NDRG1: variants seen among roughly 807,000 people sequenced by gnomAD.
NDRG1 encodes N-myc downstream regulated 1, also known as protein NDRG1.
NDRG1 carries 32 observed loss-of-function variants against 56.9 expected under a neutral mutation model. The ratio of observed to expected loss-of-function variants is 0.56; its 90% confidence interval spans 0.42 to 0.76. The LOEUF is 0.76. NDRG1 is among the 30% of genes least tolerant of loss of function. The probability of loss-of-function intolerance (pLI) is 0.00; values close to 1 mark genes in which losing one functional copy is unlikely to be tolerated. For synonymous variants in NDRG1, 211 were observed against 204.1 expected, an observed-to-expected ratio of 1.03 and a Z score of -0.29; for missense variants, 507 against 545.7, an observed-to-expected ratio of 0.93 and a Z score of 0.71.
chr8:133,251,402 A>G (rs987561576), intron 9 of NDRG1, among the ~76,000 whole-genome samples: 36 of 152,226 alleles, frequency 2.4e-4, no homozygotes, highest in Non-Finnish European at 4.4e-4. Context: ...ACTGGCTACT[A>G]AGAGCAAACT....
At chr8:133,257,102 C>T (rs758250901) in intron 7 of NDRG1, among the ~76,000 whole-genome samples, 3 of 152,268 alleles carry the variant, frequency 2.0e-5, no homozygotes, top group Middle Eastern at 3.4e-3. Context: ...GTAGGAAGCC[C>T]GCTGCTTTGC....
chr8:133,246,798 T>C (rs990176123), intron 12 of NDRG1, 135 bp from the exon 13 acceptor site: 1 of 848,986 alleles, frequency 1.2e-6, no homozygotes, highest in Non-Finnish European at 2.0e-6. Flanking sequence ...TATGTGGAGT[T>C]ATTGGGATTC....
At chr8:133,296,369 C>A in intron 1 of NDRG1, 1 of 420,974 alleles carries the variant, frequency 2.4e-6, no homozygotes, top group Non-Finnish European at 4.9e-6. Flanking sequence ...ACTTCTCCCA[C>A]GCCGCCGATG....
chr8:133,245,381 T>C (rs942006409), intron 13 of NDRG1, among the ~76,000 whole-genome samples: 18 of 152,196 alleles, frequency 1.2e-4, no homozygotes, highest in African/African-American at 4.3e-4. Context: ...ACTGTGGCTA[T>C]ACTTGGAAAT....
At chr8:133,259,076 A>T (rs755707697) in intron 6 of NDRG1, 92 bp downstream of exon 6, 1 of 1,335,540 alleles carries the variant, frequency 7.5e-7, no homozygotes, top group Non-Finnish European at 1.1e-6. Flanking sequence ...CCTTAATTTT[A>T]GTGGTCAGTC....
chr8:133,245,307 G>A (rs1197494882), intron 13 of NDRG1, among the ~76,000 whole-genome samples: 1 of 152,150 alleles, frequency 6.6e-6, no homozygotes, highest in Non-Finnish European at 1.5e-5. Context: ...ACCCTTTGCT[G>A]TAGGTTGTGG....
Position 133,280,258 on chromosome 8 carries a change from C to A in NDRG1, c.73G>T (p.Gly25Cys), listed in dbSNP as rs377527660. ...PLVEKGETIT[G>C]LLQEFDVQEQ... is the part of the protein sequence containing the mutation. The stretch of plus-strand genomic sequence containing the variant: ...TGGACATCAAACTCTTGCAGGAGGC[C>A]GGTGATGGTCTGTGAAAAGACAAAA... The change falls in exon 3 of 16, where the codon GGC (glycine) becomes TGC (cysteine). Residue 25 changes from glycine to cysteine, a missense_variant. Gly to Cys is a radical substitution (Grantham distance 159). Transcript: ENST00000323851. 1 of 1,614,012 alleles carries A rather than the reference C, an allele frequency of 6.2e-7. No homozygotes were observed. The highest frequency in any genetic ancestry group is 8.5e-7 in the Non-Finnish European group (1 of 1,179,976).
At chr8:133,281,612 C>T (rs1050461751) in intron 2 of NDRG1, among the ~76,000 whole-genome samples, 1 of 152,102 alleles carries the variant, frequency 6.6e-6, no homozygotes, top group African/African-American at 2.4e-5. Context: ...CCACCACAAA[C>T]CCCCAGAAAA....
At chr8:133,276,223 G>A (rs1012398906) in intron 3 of NDRG1, among the ~76,000 whole-genome samples, 10 of 152,146 alleles carry the variant, frequency 6.6e-5, no homozygotes, top group Admixed American at 6.5e-4. Flanking sequence ...ACCCCAGCCT[G>A]AGCCACATAG....
intron 3 of NDRG1, among the ~76,000 whole-genome samples, chr8:133,273,161 G>T (rs1440518735): frequency 1.2e-5 from 1 of 82,116 alleles, no homozygotes; most frequent in Non-Finnish European, 3.0e-5. Flanking sequence ...CAGAGCCCTG[G>T]TGAGCACACA....
chr8:133,240,358 G>A (rs1381449115), intron 15 of NDRG1: 1 of 152,200 alleles, frequency 6.6e-6, no homozygotes, highest in Non-Finnish European at 1.5e-5. Context: ...GGCACAGGGA[G>A]GGGCTTTTGA....
intron 7 of NDRG1, among the ~76,000 whole-genome samples, chr8:133,257,628 C>G (rs1440613006): frequency 1.3e-5 from 2 of 152,102 alleles, no homozygotes; most frequent in Non-Finnish European, 2.9e-5. Flanking sequence ...CTTATGGAAC[C>G]ACTGTCAAAT....
chr8:133,296,240 A>G (rs3779927), intron 1 of NDRG1, among the ~76,000 whole-genome samples: 18,153 of 143,654 alleles, frequency 0.13, 1,145 homozygotes, highest in Admixed American at 0.14. Flanking sequence ...GGCCAGCACC[A>G]GAGGCAGGGG....
At chr8:133,293,857 T>C (rs1200531957) in intron 1 of NDRG1, among the ~76,000 whole-genome samples, 2 of 152,162 alleles carry the variant, frequency 1.3e-5, no homozygotes, top group Non-Finnish European at 2.9e-5. Context: ...GCAACCTACA[T>C]AAGCTTAGCA....
At chr8:133,264,460 T>A (rs1360444406) in intron 4 of NDRG1, 87 bp downstream of exon 4, 2 of 1,206,528 alleles carry the variant, frequency 1.7e-6, no homozygotes, top group Admixed American at 1.8e-5. Context: ...AACCACCAGC[T>A]CCCGGCCATC....
rs558683534 is a variant in NDRG1 at position 133,272,691 on chromosome 8, T to C, written c.99+7541A>G. Among the ~76,000 whole-genome samples, 3 of 152,260 alleles carry C rather than the reference T, an allele frequency of 2.0e-5. No homozygotes were observed. The East Asian group carries it at 5.8e-4, about 29-fold the overall frequency. On this transcript the variant is annotated intron_variant, in intron 3 of 15. Coordinates refer to ENST00000323851, the MANE Select transcript of NDRG1 (RefSeq NM_006096.4). Reference sequence around the variant, plus strand: ...TTGCAGAAGTATGCTGTGTTTATTTTCCAAAGTCTCATTTTGTGCTGATCC... The same window carrying C: ...TTGCAGAAGTATGCTGTGTTTATTTCCCAAAGTCTCATTTTGTGCTGATCC...
Position 133,250,498 on chromosome 8 carries a change from G to A in NDRG1, c.640C>T (p.His214Tyr), listed in dbSNP as rs1855954315. 6.2e-7 allele frequency: 1 copy of A among 1,613,958 alleles called. No homozygotes were observed. Among genetic ancestry groups the A allele is most frequent in the Non-Finnish European group, 8.5e-7 (1 of 1,180,022 alleles). Residue 214 changes from histidine to tyrosine, a missense_variant, in exon 10 of 16, where the codon CAC becomes TAC. By Grantham distance (83) the His-to-Tyr change is moderately conservative. Coordinates refer to ENST00000323851, the MANE Select transcript of NDRG1 (RefSeq NM_006096.4). ...CCGGGGTTCATGTCATTCACAATGT[G>A]CTGGCGGTAGGTGTGGACCACTTCC... ...NVEVVHTYRQ[H>Y]IVNDMNPGNL...
chr8:133,253,388 G>A (rs375296055), intron 9 of NDRG1, among the ~76,000 whole-genome samples: 1 of 152,230 alleles, frequency 6.6e-6, no homozygotes, highest in East Asian at 1.9e-4. Context: ...CCTCTCCCTG[G>A]TTGAGACCCT....
chr8:133,250,932 AAG>A (rs1855988274), intron 9 of NDRG1, among the ~76,000 whole-genome samples: 1 of 149,748 alleles, frequency 6.7e-6, no homozygotes, highest in Non-Finnish European at 1.5e-5. Flanking sequence ...AAAAAAAGGG[AAG>A]AGAGAGAATG....
Sources: gnomAD v4.1 joint callset for allele counts (sites outside exome capture counted in the v4.1 genomes callset) on GRCh38, gnomAD v4.1.1 for gene constraint, MANE v1.5 for transcripts, NCBI Gene and HGNC (gene_info 2026-07-23, HGNC 2026-07-21) for gene names.